Variants in ZNF571 observed in about 807,000 individuals in gnomAD.
ZNF571 encodes the protein zinc finger protein 571.
In ZNF571, 4 loss-of-function variants were observed where a neutral mutation model predicts 7.7. That is an observed-to-expected ratio of 0.52 (90% CI 0.25 to 1.18). ZNF571 has a LOEUF of 1.18. Among genes scored for constraint, ZNF571 ranks in the 50% most tolerant of loss-of-function variants. The probability of loss-of-function intolerance (pLI) is 0.14; values close to 1 mark genes in which losing one functional copy is unlikely to be tolerated. For synonymous variants in ZNF571, 251 were observed against 232.4 expected (o/e 1.08, Z -0.73); for missense variants, 704 against 726.9 (o/e 0.97, Z 0.36).
Position 37,594,738 on chromosome 19 carries a change from C to CA in ZNF571, c.-70+2dup, listed in dbSNP as rs1164176672. The CA allele has an allele frequency of 3.9e-5, 6 of 152,394 alleles. No individual in the cohort carries two copies. Among genetic ancestry groups the CA allele is most frequent in the African/African-American group, 1.2e-4 (5 of 41,554 alleles). 9.4% of individuals were successfully genotyped at this position (152,394 alleles called of 1,614,324 possible). A position where few individuals can be genotyped will look rare whatever the true frequency, so the allele number is the denominator to read the frequency against. On this transcript the variant is annotated splice_region_variant and intron_variant, in intron 1 of 3. Transcript: ENST00000451802. ...GCGGTTCCCGGTGAGGCCGCCCACT[C>CA]ACCTGGCCGGCGCAGACAAGCTCCG...
At chr19:37,581,454 C>A (rs978342425) in intron 3 of ZNF571, among the ~76,000 whole-genome samples, 3 of 149,856 alleles carry the variant, frequency 2.0e-5, no homozygotes, top group Non-Finnish European at 4.4e-5. Flanking sequence ...ATCTCCATTT[C>A]TTTCTTTCTT....
intron 3 of ZNF571, among the ~76,000 whole-genome samples, chr19:37,577,449 A>G (rs1025080013): frequency 1.1e-4 from 17 of 152,210 alleles, no homozygotes; most frequent in African/African-American, 3.9e-4. Context: ...AGTATAGGAG[A>G]AGGGAATTTC....
intron 2 of ZNF571, 123 bp from the exon 3 acceptor site, chr19:37,584,220 A>C (rs77105282): frequency 6.6e-6 from 9 of 1,368,050 alleles, no homozygotes; most frequent in Non-Finnish European, 8.1e-6. Flanking sequence ...TTGGTTGCCT[A>C]AACAGTAGTA....
chr19:37,580,036 G>A (rs375002877), intron 3 of ZNF571, among the ~76,000 whole-genome samples: 7 of 152,074 alleles, frequency 4.6e-5, no homozygotes, highest in African/African-American at 9.7e-5. Flanking sequence ...AAGCTTTATC[G>A]TATGAGGCTA....
chr19:37,567,643 C>T (rs1219411241), intron 3 of ZNF571: 3 of 152,118 alleles, frequency 2.0e-5, no homozygotes, highest in Non-Finnish European at 4.4e-5. Context: ...TTCCATCTGC[C>T]AAGAATGCTC....
chr19:37,565,062 A>C lies in ZNF571; in HGVS notation c.1366T>G (p.Phe456Val). The change falls in exon 4 of 4, where the codon TTT becomes GTT. Residue 456 changes from phenylalanine (F) to valine (V), a missense_variant. Phe to Val is a conservative substitution (Grantham distance 50, BLOSUM62 -1). Coordinates refer to ENST00000451802, the MANE Select transcript of ZNF571 (RefSeq NM_016536.5). ...TGAGTAAGATATGCAACACGAATAAAGGCCTTTCCACATTCCTTACATTCA... is the reference window on the plus strand; with the variant it reads ...TGAGTAAGATATGCAACACGAATAACGGCCTTTCCACATTCCTTACATTCA... ...PFECKECGKAFIRVAYLTQHE... is the reference protein window; with the variant it reads ...PFECKECGKAVIRVAYLTQHE... 1 of 1,613,266 alleles carries C rather than the reference A, an allele frequency of 6.2e-7. No homozygotes were observed. The highest frequency in any genetic ancestry group is 1.1e-5 in the South Asian group (1 of 91,052).
Position 37,583,966 on chromosome 19 carries a change from C to G in ZNF571, c.136+5G>C. On this transcript the variant is annotated splice_donor_5th_base_variant and intron_variant, in intron 3 of 3. Transcript: ENST00000451802. ...AATTCTGAATATTACGTAGGATGAT[C>G]TTACCCAATGAGATCAGGTTGCTGT... The G allele has an allele frequency of 6.3e-7, 1 of 1,599,202 alleles. No individual in the cohort carries two copies. The highest frequency in any genetic ancestry group is 8.5e-7 in the Non-Finnish European group (1 of 1,172,676).
In ZNF571 at chr19:37,565,716, G is replaced by T. The variant is rs1190288015; in HGVS notation, c.712C>A (p.Leu238Ile). 4 of 1,613,904 alleles carry T rather than the reference G, an allele frequency of 2.5e-6. No homozygotes were observed. In the Admixed American group the frequency reaches 6.7e-5, roughly 27 times the overall value. Residue 238 changes from leucine (L) to isoleucine (I), a missense_variant, in exon 4 of 4, where the codon CTC (leucine) becomes ATC (isoleucine). Transcript: ENST00000451802. Reference protein sequence around the residue: ...CGKAFIRGSQLTEHQRVHTGE... With the variant: ...CGKAFIRGSQITEHQRVHTGE... ...GTATGAACTCTCTGATGTTCAGTGA[G>T]CTGTGAACCACGAATAAAAGCTTTC... is the stretch of plus-strand genomic sequence containing the variant.
At position 37,564,551 on chromosome 19, in the gene ZNF571, T is replaced by C; in HGVS notation, c.*47A>G. On this transcript the variant is annotated 3_prime_UTR_variant, in exon 4 of 4. Transcript: ENST00000451802. ...AGATGTTCTACATTCATTATAGATA[T>C]GAAATAGATGAAGATTTTCTTAAAT... 2 of 1,445,674 alleles carry C rather than the reference T, an allele frequency of 1.4e-6. No homozygotes were observed. The highest frequency in any genetic ancestry group is 1.8e-6 in the Non-Finnish European group (2 of 1,092,960). 89.6% of individuals were successfully genotyped at this position (1,445,674 alleles called of 1,614,324 possible).
chr19:37,575,029 A>G (rs987689995), intron 3 of ZNF571, among the ~76,000 whole-genome samples: 2 of 152,246 alleles, frequency 1.3e-5, no homozygotes, highest in African/African-American at 4.8e-5. Context: ...TGTTATTCAC[A>G]TAATTATAAA....
intron 3 of ZNF571, among the ~76,000 whole-genome samples, chr19:37,580,872 C>T (rs2043432270): frequency 6.6e-6 from 1 of 152,192 alleles, no homozygotes; most frequent in Non-Finnish European, 1.5e-5. Context: ...AACCTCTTGT[C>T]TGTATAAATT....
intron 2 of ZNF571, among the ~76,000 whole-genome samples, chr19:37,584,646 G>A (rs1257052938): frequency 6.6e-6 from 1 of 152,116 alleles, no homozygotes; most frequent in African/African-American, 2.4e-5. Context: ...AAAATGATCT[G>A]CTTATTTGGG....
At chr19:37,577,060 A>G (rs1412011891) in intron 3 of ZNF571, among the ~76,000 whole-genome samples, 1 of 152,204 alleles carries the variant, frequency 6.6e-6, no homozygotes, top group African/African-American at 2.4e-5. Flanking sequence ...TAAAACAGAA[A>G]TAAATGGGCT....
chr19:37,574,014 C>T (rs1568348589), intron 3 of ZNF571, among the ~76,000 whole-genome samples: 2 of 152,172 alleles, frequency 1.3e-5, no homozygotes, highest in Non-Finnish European at 1.5e-5. Flanking sequence ...CCACATTTAG[C>T]ATTTCTTCAC....
intron 3 of ZNF571, among the ~76,000 whole-genome samples, chr19:37,581,466 CTTT>C (rs1226046583): frequency 4.3e-5 from 6 of 138,710 alleles, no homozygotes; most frequent in Non-Finnish European, 6.2e-5. Context: ...TTCTTTCTTT[CTTT>C]TTTTTTTTTT....
chr19:37,588,099 C>CAAAAAA lies in ZNF571; in HGVS notation c.-69-1360_-69-1355dup, dbSNP rs58516591. Among the ~76,000 whole-genome samples the CAAAAAA allele has an allele frequency of 3.1e-3, 141 of 45,754 alleles. 3 individuals are homozygous for CAAAAAA. Among genetic ancestry groups the CAAAAAA allele is most frequent in the African/African-American group, 5.3e-3 (62 of 11,660 alleles). The allele number at this position is 45,754 out of a possible 152,430, so 30.0% of individuals were successfully genotyped here. The stretch of plus-strand genomic sequence containing the variant: ...TGGGTGACAGAGCGAGACTCCATCT[C>CAAAAAA]AAAAAAAAAAAAAAAAAAAAAAAAA... On this transcript the variant is annotated intron_variant, in intron 1 of 3. Coordinates refer to ENST00000451802, the MANE Select transcript of ZNF571 (RefSeq NM_016536.5).
rs1346256756 is a variant in ZNF571, at chr19:37,586,720, G to A, written c.-44C>T. 1 of 1,613,048 alleles carries A rather than the reference G, an allele frequency of 6.2e-7. No homozygotes were observed. Among genetic ancestry groups the A allele is most frequent in the Admixed American group, 1.7e-5 (1 of 59,918 alleles). ...AATTTTCTGGGTTCTTCTCCTGGAG[G>A]TGTGCAAAGTCCAGAGAAGCCAGTG... On this transcript the variant is annotated 5_prime_UTR_variant, in exon 2 of 4. Transcript: ENST00000451802.
At chr19:37,580,281 C>G (rs1451922118) in intron 3 of ZNF571, among the ~76,000 whole-genome samples, 1 of 152,240 alleles carries the variant, frequency 6.6e-6, no homozygotes, top group Admixed American at 6.5e-5. Context: ...ATGATATATA[C>G]TGTGCTACAG....
At chr19:37,573,233 A>G (rs1201982437) in intron 3 of ZNF571, among the ~76,000 whole-genome samples, 1 of 152,168 alleles carries the variant, frequency 6.6e-6, no homozygotes, top group Non-Finnish European at 1.5e-5. Flanking sequence ...ACACAAACAT[A>G]GCAGCCTCCA....
Sources: gnomAD v4.1 joint callset for allele counts (sites outside exome capture counted in the v4.1 genomes callset) on GRCh38, gnomAD v4.1.1 for gene constraint, MANE v1.5 for transcripts, NCBI Gene and HGNC (gene_info 2026-07-23, HGNC 2026-07-21) for gene names.